The following SORCS1 variants were observed in gnomAD, a reference collection of about 807,000 sequenced individuals.
SORCS1 encodes the protein VPS10 domain-containing receptor SorCS1.
SORCS1 carries 60 observed loss-of-function variants against 146.1 expected under a neutral mutation model. The observed-to-expected ratio is 0.41, with a 90% CI of 0.33 to 0.51. The LOEUF (loss-of-function observed/expected upper bound fraction) is 0.51. Among genes scored for constraint, SORCS1 ranks in the 20% least tolerant of loss-of-function variants. SORCS1 has a pLI of 0.21. For missense variants in SORCS1, 1,352 were observed against 1,487.6 expected (o/e 0.91, Z 1.50); for synonymous variants, 637 against 584.0 (o/e 1.09, Z -1.31).
intron 4 of SORCS1, among the ~76,000 whole-genome samples, chr10:106,764,393 C>T (rs1442130573): frequency 6.6e-6 from 1 of 152,206 alleles, no homozygotes; most frequent in Non-Finnish European, 1.5e-5. Flanking sequence ...GGAATGGTAT[C>T]AAAGCATTTT....
intron 1 of SORCS1, among the ~76,000 whole-genome samples, chr10:107,138,158 A>G (rs1967492320): frequency 6.6e-6 from 1 of 152,176 alleles, no homozygotes; most frequent in Non-Finnish European, 1.5e-5. Flanking sequence ...TTTTTTAAAT[A>G]AAAGAATGAA....
chr10:107,074,978 G>A (rs1962758493), intron 1 of SORCS1, among the ~76,000 whole-genome samples: 1 of 151,952 alleles, frequency 6.6e-6, no homozygotes, highest in Admixed American at 6.6e-5. Flanking sequence ...AGTGTTTATT[G>A]TTTGTTAGAC....
intron 14 of SORCS1, among the ~76,000 whole-genome samples, chr10:106,674,320 C>T (rs1851850689): frequency 1.0e-4 from 1 of 9,928 alleles, no homozygotes; most frequent in Admixed American, 1.4e-3. Flanking sequence ...CAGAGTAAGA[C>T]TCCGTCTCAA....
chr10:106,874,219 T>A (rs1248516601), intron 2 of SORCS1, among the ~76,000 whole-genome samples: 2 of 152,180 alleles, frequency 1.3e-5, no homozygotes, highest in African/African-American at 4.8e-5. Context: ...ATTATCAGCA[T>A]TCTGGGATGA....
chr10:106,579,225 G>A (rs1335456418), intron 25 of SORCS1, 144 bp downstream of exon 25: 2 of 1,613,926 alleles, frequency 1.2e-6, no homozygotes, highest in African/African-American at 2.7e-5. Flanking sequence ...CTGCATCTGG[G>A]CATAAACATT....
intron 1 of SORCS1, among the ~76,000 whole-genome samples, chr10:107,045,356 C>T (rs1250378913): frequency 6.6e-6 from 1 of 152,052 alleles, no homozygotes; most frequent in East Asian, 1.9e-4. Flanking sequence ...AAATTTGCTG[C>T]AAATAGGAAA....
intron 5 of SORCS1, among the ~76,000 whole-genome samples, chr10:106,734,918 C>T (rs190269274): frequency 1.3e-5 from 2 of 151,946 alleles, no homozygotes; most frequent in East Asian, 1.9e-4. Context: ...ACCTATAATC[C>T]GAGGATCACC....
At chr10:106,604,244 G>A (rs1846426430) in intron 23 of SORCS1, among the ~76,000 whole-genome samples, 1 of 152,064 alleles carries the variant, frequency 6.6e-6, no homozygotes. Flanking sequence ...TGTACCTCTG[G>A]ACTTCTCAAT....
At chr10:106,765,860 G>A (rs1564946438) in intron 4 of SORCS1, among the ~76,000 whole-genome samples, 1 of 151,822 alleles carries the variant, frequency 6.6e-6, no homozygotes, top group East Asian at 1.9e-4. Flanking sequence ...TTCCTAAATC[G>A]GATCAACGTA....
chr10:106,653,840 A>T (rs760465174), intron 17 of SORCS1, among the ~76,000 whole-genome samples: 1 of 152,188 alleles, frequency 6.6e-6, no homozygotes, highest in African/African-American at 2.4e-5. Flanking sequence ...AAATATTACC[A>T]ATTATTTCTA....
chr10:106,594,837 T>G (rs1330177148), intron 24 of SORCS1, among the ~76,000 whole-genome samples: 1 of 152,234 alleles, frequency 6.6e-6, no homozygotes, highest in Non-Finnish European at 1.5e-5. Context: ...GTTTTTAATT[T>G]CTAAACTCAA....
At chr10:107,145,761 C>T (rs1328677537) in intron 1 of SORCS1, among the ~76,000 whole-genome samples, 1 of 152,134 alleles carries the variant, frequency 6.6e-6, no homozygotes, top group Non-Finnish European at 1.5e-5. Context: ...AGTGCACACA[C>T]ACAATCTAAC....
At chr10:107,143,885 C>T (rs1049018167) in intron 1 of SORCS1, among the ~76,000 whole-genome samples, 18 of 152,090 alleles carry the variant, frequency 1.2e-4, no homozygotes, top group African/African-American at 3.9e-4. Flanking sequence ...CTCACCTCAG[C>T]CTCCTAATGT....
intron 5 of SORCS1, among the ~76,000 whole-genome samples, chr10:106,759,966 G>A (rs1191640771): frequency 6.6e-6 from 1 of 152,124 alleles, no homozygotes; most frequent in African/African-American, 2.4e-5. Context: ...TACCATTTAT[G>A]TAAATGCAAG....
chr10:106,924,357 C>G (rs1174845740), intron 2 of SORCS1, among the ~76,000 whole-genome samples: 1 of 151,490 alleles, frequency 6.6e-6, no homozygotes, highest in Non-Finnish European at 1.5e-5. Context: ...TTGAAAGGAA[C>G]ATTTTATTGT....
chr10:107,165,047 G>C (rs1180691493), upstream of SORCS1, among the ~76,000 whole-genome samples: 2 of 151,890 alleles, frequency 1.3e-5, no homozygotes, highest in African/African-American at 4.8e-5. This position sits in a 1 kb window ranked among gnomAD's most constrained non-coding sequence, Gnocchi z 4.0. Context: ...TCGATGTGTC[G>C]GGAGCTTCCT....
chr10:106,803,990 G>A (rs1253295066), intron 3 of SORCS1, among the ~76,000 whole-genome samples: 1 of 152,136 alleles, frequency 6.6e-6, no homozygotes, highest in Non-Finnish European at 1.5e-5. Context: ...AATTCCAGGA[G>A]ACTATGGGGC....
intron 1 of SORCS1, among the ~76,000 whole-genome samples, chr10:107,033,389 A>C (rs1381401431): frequency 6.6e-6 from 1 of 152,210 alleles, no homozygotes. Context: ...TCTAAAAACC[A>C]GTATAATGTG....
intron 2 of SORCS1, among the ~76,000 whole-genome samples, chr10:106,831,098 CAGG>C (rs937243780): frequency 1.8e-4 from 27 of 152,064 alleles, no homozygotes; most frequent in African/African-American, 6.3e-4. Flanking sequence ...GAGGCCAAGG[CAGG>C]AGAACTGATT....
Sources: gnomAD v4.1 joint callset for allele counts (sites outside exome capture counted in the v4.1 genomes callset) on GRCh38, gnomAD v4.1.1 for gene constraint, Gnocchi (gnomAD v3.1) non-coding constraint, MANE v1.5 for transcripts, NCBI Gene and HGNC (gene_info 2026-07-23, HGNC 2026-07-21) for gene names.